Variants in DNAH11 observed in about 807,000 individuals in gnomAD.
DNAH11 encodes axonemal beta dynein heavy chain 11.
DNAH11 carries 442 observed loss-of-function variants against 526.0 expected under a neutral mutation model. The observed-to-expected ratio is 0.84, with a 90% CI of 0.78 to 0.91. The LOEUF is 0.91. Ranked by LOEUF, DNAH11 falls within the 40% of genes least tolerant of loss-of-function variation. The pLI is 0.00. For synonymous variants in DNAH11, 2,461 were observed against 1,935.9 expected, an observed-to-expected ratio of 1.27 and a Z score of -7.12; for missense variants, 6,989 against 5,448.7, an observed-to-expected ratio of 1.28 and a Z score of -8.90.
chr7:21,608,970 C>T (rs145776147), intron 20 of DNAH11, among the ~76,000 whole-genome samples: 1 of 152,258 alleles, frequency 6.6e-6, no homozygotes, highest in East Asian at 1.9e-4. Flanking sequence ...CAGTGAAAGG[C>T]ATATGTATTA....
intron 65 of DNAH11, among the ~76,000 whole-genome samples, chr7:21,821,669 G>A (rs1023736892): frequency 6.6e-6 from 1 of 152,040 alleles, no homozygotes; most frequent in African/African-American, 2.4e-5. Context: ...CAGGATGACT[G>A]GGATATCTAC....
intron 56 of DNAH11, among the ~76,000 whole-genome samples, chr7:21,778,228 C>T (rs1213497454): frequency 3.3e-5 from 5 of 152,070 alleles, no homozygotes; most frequent in Non-Finnish European, 5.9e-5. Context: ...ATGGATTCCT[C>T]GGAAGGCTGA....
intron 44 of DNAH11, among the ~76,000 whole-genome samples, chr7:21,722,087 G>A (rs944533957): frequency 2.0e-5 from 3 of 152,126 alleles, no homozygotes; most frequent in African/African-American, 4.8e-5. Flanking sequence ...GTGCAAAGTG[G>A]GAATTATTCA....
intron 54 of DNAH11, among the ~76,000 whole-genome samples, chr7:21,758,640 C>T (rs1786744390): frequency 6.6e-6 from 1 of 152,124 alleles, no homozygotes; most frequent in African/African-American, 2.4e-5. Flanking sequence ...AGAAAGATAT[C>T]ACGAAAAAGT....
chr7:21,728,203 A>G (rs1021321058), intron 45 of DNAH11, among the ~76,000 whole-genome samples: 23 of 149,074 alleles, frequency 1.5e-4, no homozygotes. Flanking sequence ...GTTAACATAC[A>G]AAATACATTC....
At position 21,543,181 on chromosome 7, in the gene DNAH11, T is replaced by G. The variant is rs908524160; in HGVS notation, c.-65T>G. The G allele has an allele frequency of 2.1e-6, 3 of 1,450,964 alleles. No individual in the cohort carries two copies. The highest frequency in any genetic ancestry group is 2.7e-6 in the Non-Finnish European group (3 of 1,108,452). The allele number at this position is 1,450,964 out of a possible 1,614,324, so 89.9% of individuals were successfully genotyped here. ...CGCCTGCGGAGGTGTCCTCGCTCACTTCGGGGGGCCCAGAGTCTCGGGTGA... is the reference window on the plus strand; with the variant it reads ...CGCCTGCGGAGGTGTCCTCGCTCACGTCGGGGGGCCCAGAGTCTCGGGTGA... On this transcript the variant is annotated 5_prime_UTR_variant, in exon 1 of 82. Coordinates refer to ENST00000409508, the MANE Select transcript of DNAH11 (RefSeq NM_001277115.2).
chr7:21,653,915 A>G (rs941957256), intron 28 of DNAH11, among the ~76,000 whole-genome samples: 6 of 152,194 alleles, frequency 3.9e-5, no homozygotes, highest in African/African-American at 1.4e-4. Context: ...TGTCATGCAG[A>G]AAATTTAGGC....
intron 66 of DNAH11, among the ~76,000 whole-genome samples, chr7:21,846,559 C>G (rs1416188101): frequency 6.6e-6 from 1 of 151,996 alleles, no homozygotes; most frequent in Non-Finnish European, 1.5e-5. Context: ...GAATAAATCC[C>G]ACTTGGTCGT....
chr7:21,815,061 C>T (rs6461603), intron 63 of DNAH11, among the ~76,000 whole-genome samples: 23,067 of 151,926 alleles, frequency 0.15, 1,768 homozygotes, highest in African/African-American at 0.18. Context: ...TTTATTTCCC[C>T]TACTGAGCAG....
intron 49 of DNAH11, among the ~76,000 whole-genome samples, chr7:21,744,072 A>G (rs761331474): frequency 3.6e-4 from 54 of 151,284 alleles, no homozygotes; most frequent in Non-Finnish European, 7.5e-4. Flanking sequence ...ATATCAAGTG[A>G]TTTTATAGTA....
chr7:21,864,622 G>T lies in DNAH11; in HGVS notation c.11461G>T (p.Asp3821Tyr). Residue 3821 changes from aspartate (D) to tyrosine (Y), a missense_variant, in exon 70 of 82, where the codon GAC becomes TAC. By Grantham distance (160) the Asp-to-Tyr change is radical. Coordinates refer to ENST00000409508, the MANE Select transcript of DNAH11 (RefSeq NM_001277115.2). ...TVEHTHLSPV[D>Y]FLTSQSWSAI... ...TGAACACACTCATCTGAGTCCCGTTGACTTCCTAACTTCTCAGTCATGGAG... is the reference window on the plus strand; with the variant it reads ...TGAACACACTCATCTGAGTCCCGTTTACTTCCTAACTTCTCAGTCATGGAG... 6.2e-7 allele frequency: 1 copy of T among 1,608,396 alleles called. No homozygotes were observed. Among genetic ancestry groups the T allele is most frequent in the Non-Finnish European group, 8.5e-7 (1 of 1,177,270 alleles).
chr7:21,628,725 A>T (rs1224747278), intron 25 of DNAH11, among the ~76,000 whole-genome samples: 3 of 152,032 alleles, frequency 2.0e-5, no homozygotes, highest in Non-Finnish European at 2.9e-5. Flanking sequence ...ATCTATGTTT[A>T]TCAGTAGTAT....
intron 76 of DNAH11, among the ~76,000 whole-genome samples, chr7:21,887,498 G>A (rs1784168836): frequency 6.6e-6 from 1 of 151,962 alleles, no homozygotes; most frequent in South Asian, 2.1e-4. Context: ...AAAACACCTG[G>A]GTTCACACTG....
At chr7:21,869,479 A>G (rs1235509974) in intron 73 of DNAH11, among the ~76,000 whole-genome samples, 1 of 151,982 alleles carries the variant, frequency 6.6e-6, no homozygotes, top group Non-Finnish European at 1.5e-5. Flanking sequence ...GGGGGAATGG[A>G]ATTTATTGAG....
At position 21,581,921 on chromosome 7, in the gene DNAH11, A is replaced by G; in HGVS notation, c.1610A>G (p.Tyr537Cys). 7 of 1,608,402 alleles carry G rather than the reference A, an allele frequency of 4.4e-6. No homozygotes were observed. The highest frequency in any genetic ancestry group is 5.9e-6 in the Non-Finnish European group (7 of 1,176,792). ...DCTNMEFESD[Y>C]VAFKSKTLEF... is the part of the protein sequence containing the mutation. ...ATTTTACAGGAGTTTGAAAGTGATT[A>G]TGTGGCATTTAAGTCCAAAACTCTG... Residue 537 changes from tyrosine (Y) to cysteine (C), a missense_variant, in exon 9 of 82, where the codon TAT (tyrosine) becomes TGT (cysteine). Coordinates refer to ENST00000409508, the MANE Select transcript of DNAH11 (RefSeq NM_001277115.2).
In DNAH11 at chr7:21,606,744, T is replaced by G; in HGVS notation, c.3852+11T>G. On this transcript the variant is annotated intron_variant, in intron 20 of 81. Transcript: ENST00000409508. ...ACAGCGCTTGATAAGGTAATACAGATCTCAAATATCCTGTGTGCATTAAAA... is the reference window on the plus strand; with the variant it reads ...ACAGCGCTTGATAAGGTAATACAGAGCTCAAATATCCTGTGTGCATTAAAA... 1 of 1,597,266 alleles carries G rather than the reference T, an allele frequency of 6.3e-7. No homozygotes were observed. The highest frequency in any genetic ancestry group is 8.6e-7 in the Non-Finnish European group (1 of 1,169,002).
At chr7:21,739,209 G>A (rs1483344476) in intron 47 of DNAH11, among the ~76,000 whole-genome samples, 1 of 152,194 alleles carries the variant, frequency 6.6e-6, no homozygotes, top group Non-Finnish European at 1.5e-5. Flanking sequence ...GGGTGTAAAT[G>A]TTTGGGCACT....
chr7:21,709,162 A>AC (rs1476449791), intron 40 of DNAH11, among the ~76,000 whole-genome samples: 1 of 152,212 alleles, frequency 6.6e-6, no homozygotes, highest in African/African-American at 2.4e-5. Flanking sequence ...AATAGCAAAG[A>AC]CGTGGAATCA....
At position 21,852,664 on chromosome 7, in the gene DNAH11, A is replaced by C. The variant is rs1386730898; in HGVS notation, c.11061+33A>C. 5 of 1,540,338 alleles carry C rather than the reference A, an allele frequency of 3.2e-6. No homozygotes were observed. The South Asian group carries it at 5.2e-5, about 16-fold the overall frequency. On this transcript the variant is annotated intron_variant, in intron 67 of 81. Coordinates refer to ENST00000409508, the MANE Select transcript of DNAH11 (RefSeq NM_001277115.2). Reference sequence around the variant, plus strand: ...GGGCAGAGGGTGCCTGGCAGATTCTAATGCTCTGTTCGAATGAGACATGTG... The same window carrying C: ...GGGCAGAGGGTGCCTGGCAGATTCTCATGCTCTGTTCGAATGAGACATGTG...
Sources: gnomAD v4.1 joint callset for allele counts (sites outside exome capture counted in the v4.1 genomes callset) on GRCh38, gnomAD v4.1.1 for gene constraint, MANE v1.5 for transcripts, NCBI Gene and HGNC (gene_info 2026-07-23, HGNC 2026-07-21) for gene names.